The following TTC5 variants were observed in gnomAD, a reference collection of about 807,000 sequenced individuals.
TTC5 encodes tetratricopeptide repeat domain 5, also known as tetratricopeptide repeat protein 5.
In TTC5, 46 loss-of-function variants were observed where a neutral mutation model predicts 57.4. The observed-to-expected ratio is 0.80, with a 90% CI of 0.63 to 1.03. TTC5 has a LOEUF of 1.03. TTC5 is among the 50% of genes least tolerant of loss of function. TTC5 has a pLI of 0.00. For missense variants in TTC5, 504 were observed against 528.1 expected (o/e 0.95, Z 0.45); for synonymous variants, 190 against 203.5 (o/e 0.93, Z 0.57).
chr14:20,295,563 T>C (rs756132618), intron 7 of TTC5, 37 bp from the exon 8 acceptor site: 43 of 1,590,440 alleles, frequency 2.7e-5, no homozygotes, highest in Non-Finnish European at 3.6e-5. Context: ...AGCTGGAAAC[T>C]AGTCGCCTTC....
chr14:20,288,036 G>A lies in TTC5; in HGVS notation c.*1591C>T, dbSNP rs1257794415. On this transcript the variant is annotated 3_prime_UTR_variant, in exon 10 of 10. Coordinates refer to ENST00000258821, the MANE Select transcript of TTC5 (RefSeq NM_138376.3). ...CTATATCAGACTGGTTACTCATACT[G>A]ACTTTAGCTTATCTACTAAGATTCT... The A allele has an allele frequency of 6.6e-6, 1 of 152,086 alleles. No homozygotes were observed. Among genetic ancestry groups the A allele is most frequent in the Non-Finnish European group, 1.5e-5 (1 of 68,022 alleles). 9.4% of individuals were successfully genotyped at this position (152,086 alleles called of 1,614,324 possible). A position where few individuals can be genotyped will look rare whatever the true frequency, so the allele number is the denominator to read the frequency against.
chr14:20,300,888 A>G, intron 2 of TTC5, 70 bp from the exon 3 acceptor site: 1 of 1,209,086 alleles, frequency 8.3e-7, no homozygotes, highest in Non-Finnish European at 1.2e-6. Flanking sequence ...CTCTCAAAAA[A>G]TAACTACACG....
chr14:20,304,440 TAAAACACAC>T (rs1882250187), intron 1 of TTC5, among the ~76,000 whole-genome samples: 1 of 152,208 alleles, frequency 6.6e-6, no homozygotes, highest in Non-Finnish European at 1.5e-5. Context: ...AAACTGTCTG[TAAAACACAC>T]TTTGAGAAAT....
Position 20,305,926 on chromosome 14 carries a change from A to T in TTC5, c.12T>A (p.Asp4Glu), listed in dbSNP as rs775813740. 6.2e-7 allele frequency: 1 copy of T among 1,613,934 alleles called. No homozygotes were observed. The highest frequency in any genetic ancestry group is 1.1e-5 in the South Asian group (1 of 91,086). Residue 4 changes from aspartate (D) to glutamate (E), a missense_variant, in exon 1 of 10, where the codon GAT becomes GAA. Asp to Glu is a conservative substitution (Grantham distance 45). Transcript: ENST00000258821. The stretch of plus-strand genomic sequence containing the variant: ...AGATCGGCTTGACTTCTTCCTCTTC[A>T]TCAGCCATCATCTCCCGGCCACTCC... MMA[D>E]EEEEVKPILQ... is the part of the protein sequence containing the mutation.
intron 5 of TTC5, among the ~76,000 whole-genome samples, chr14:20,297,681 G>A (rs1051098852): frequency 2.0e-5 from 3 of 151,890 alleles, no homozygotes; most frequent in Non-Finnish European, 2.9e-5. Flanking sequence ...ACTGAGGCAG[G>A]AGACTCACTT....
Position 20,305,886 on chromosome 14 carries a change from CCTGCAAT to C in TTC5, c.45_51del (p.Leu16AsnfsTer43). The C allele has an allele frequency of 1.2e-6, 2 of 1,614,110 alleles. No homozygotes were observed. The highest frequency in any genetic ancestry group is 1.7e-6 in the Non-Finnish European group (2 of 1,179,966). Reference sequence around the variant, plus strand: ...ATACAGAATTTAATCTACGGCCCCACCTGCAATTTCTGCAAGATCGGCTTGACTTCTT... The same window carrying C: ...ATACAGAATTTAATCTACGGCCCCACTTCTGCAAGATCGGCTTGACTTCTT... On this transcript the variant is annotated frameshift_variant and splice_region_variant, in exon 1 of 10. Transcript: ENST00000258821. LOFTEE classifies it high-confidence loss of function.
At chr14:20,301,180 C>T (rs1013494050) in intron 2 of TTC5, among the ~76,000 whole-genome samples, 1 of 152,088 alleles carries the variant, frequency 6.6e-6, no homozygotes, top group Non-Finnish European at 1.5e-5. Context: ...TGGGCTTTAA[C>T]AAGTGAAGAG....
In TTC5 at chr14:20,300,915, A is replaced by G. The variant is rs1183751166; in HGVS notation, c.185-97T>C. 4 of 963,346 alleles carry G rather than the reference A, an allele frequency of 4.2e-6. No individual in the cohort carries two copies. In the Admixed American group the frequency reaches 9.9e-5, roughly 24 times the overall value. The allele number at this position is 963,346 out of a possible 1,614,324, so 59.7% of individuals were successfully genotyped here. A position where few individuals can be genotyped will look rare whatever the true frequency, so the allele number is the denominator to read the frequency against. ...AACTACACGTCAGTTTTAGGAATAA[A>G]AAGAGTTGGGGAAAATATTTATCAA... On this transcript the variant is annotated intron_variant, in intron 2 of 9. Coordinates refer to ENST00000258821, the MANE Select transcript of TTC5 (RefSeq NM_138376.3).
Position 20,287,073 on chromosome 14 carries a change from T to C in TTC5, c.*2554A>G, listed in dbSNP as rs1881852644. Reference sequence around the variant, plus strand: ...TAAACTAATATAAGCACTTTGGAAATGTTTAGTGCTTCTCAAAAAAGTTGA... The same window carrying C: ...TAAACTAATATAAGCACTTTGGAAACGTTTAGTGCTTCTCAAAAAAGTTGA... On this transcript the variant is annotated 3_prime_UTR_variant, in exon 10 of 10. Coordinates refer to ENST00000258821, the MANE Select transcript of TTC5 (RefSeq NM_138376.3). The C allele has an allele frequency of 6.6e-6, 1 of 152,196 alleles. No homozygotes were observed. Among genetic ancestry groups the C allele is most frequent in the Admixed American group, 6.5e-5 (1 of 15,276 alleles). The allele number at this position is 152,196 out of a possible 1,614,324, so 9.4% of individuals were successfully genotyped here.
Position 20,288,759 on chromosome 14 carries a change from C to T in TTC5, c.*868G>A, listed in dbSNP as rs1881892075. 6.6e-6 allele frequency: 1 copy of T among 152,232 alleles called. No homozygotes were observed. Among genetic ancestry groups the T allele is most frequent in the Admixed American group, 6.5e-5 (1 of 15,278 alleles). 9.4% of individuals were successfully genotyped at this position (152,232 alleles called of 1,614,324 possible). On this transcript the variant is annotated 3_prime_UTR_variant, in exon 10 of 10. Transcript: ENST00000258821. ...TCACTCACATTTCTCCATTTTACCA[C>T]AAGGATATTAAGATAAACTGTTATA...
In TTC5 at chr14:20,305,908, C is replaced by G. The variant is rs1212743613; in HGVS notation, c.30G>C (p.Lys10Asn). The G allele has an allele frequency of 1.2e-6, 2 of 1,614,156 alleles. No individual in the cohort carries two copies. The highest frequency in any genetic ancestry group is 1.1e-5 in the South Asian group (1 of 91,084). Reference sequence around the variant, plus strand: ...CCACCTGCAATTTCTGCAAGATCGGCTTGACTTCTTCCTCTTCATCAGCCA... The same window carrying G: ...CCACCTGCAATTTCTGCAAGATCGGGTTGACTTCTTCCTCTTCATCAGCCA... MMADEEEEV[K>N]PILQKLQELV... Residue 10 changes from lysine (K) to asparagine (N), a missense_variant, in exon 1 of 10, where the codon AAG becomes AAC. Lys to Asn is a moderately conservative substitution (Grantham distance 94). Coordinates refer to ENST00000258821, the MANE Select transcript of TTC5 (RefSeq NM_138376.3).
rs1165382963 is a variant in TTC5 at position 20,302,156 on chromosome 14, C to A, written c.52-191G>T. Among the ~76,000 whole-genome samples, 3 of 152,172 alleles carry A rather than the reference C, an allele frequency of 2.0e-5. No individual in the cohort carries two copies. The East Asian group carries it at 5.8e-4, about 29-fold the overall frequency. On this transcript the variant is annotated intron_variant, in intron 1 of 9. Transcript: ENST00000258821. ...GAGGAAAAGCAGCCAGTACCCCAGG[C>A]CAGCTCTCATGGTCCCATGTTGTCC...
At chr14:20,305,534 T>G in intron 1 of TTC5, 1 of 285,458 alleles carries the variant, frequency 3.5e-6, no homozygotes, top group Non-Finnish European at 6.6e-6. Flanking sequence ...TTTGTAGGGA[T>G]CAAAACAACA....
chr14:20,291,677 T>C (rs1437181239), intron 9 of TTC5, among the ~76,000 whole-genome samples: 3 of 152,188 alleles, frequency 2.0e-5, no homozygotes, highest in African/African-American at 7.2e-5. Context: ...TAGATATATG[T>C]GTATATATTT....
chr14:20,303,393 C>T (rs1360104790), intron 1 of TTC5, among the ~76,000 whole-genome samples: 1 of 152,056 alleles, frequency 6.6e-6, no homozygotes, highest in Non-Finnish European at 1.5e-5. Flanking sequence ...ATCCAAAATC[C>T]AAAAAACTTC....
At chr14:20,298,715 T>C in intron 5 of TTC5, 82 bp downstream of exon 5, 1 of 1,046,550 alleles carries the variant, frequency 9.6e-7, no homozygotes, top group East Asian at 2.4e-5. Flanking sequence ...TGATGCTTGC[T>C]AAAGGGCCAC....
In TTC5 at chr14:20,287,982, G is replaced by C. The variant is rs1566387071; in HGVS notation, c.*1645C>G. On this transcript the variant is annotated 3_prime_UTR_variant, in exon 10 of 10. Transcript: ENST00000258821. ...TCTCTTGCTACCATAGGTTTTTTTG[G>C]TGCAGTCCATGAAGAGTGTTCTTGC... 1 of 152,008 alleles carries C rather than the reference G, an allele frequency of 6.6e-6. No homozygotes were observed. Among genetic ancestry groups the C allele is most frequent in the Non-Finnish European group, 1.5e-5 (1 of 68,010 alleles). 9.4% of individuals were successfully genotyped at this position (152,008 alleles called of 1,614,324 possible).
rs767452370 is a variant in TTC5, at chr14:20,300,613, G to A, written c.390C>T (p.Leu130=). 1 of 1,611,232 alleles carries A rather than the reference G, an allele frequency of 6.2e-7. No individual in the cohort carries two copies. Among genetic ancestry groups the A allele is most frequent in the South Asian group, 1.1e-5 (1 of 90,976 alleles). Residue 130 remains leucine (L), a synonymous_variant, in exon 3 of 10, where the codon CTC becomes CTT. Transcript: ENST00000258821. ...AAAHTCFSGA[L]THCRNKVSLQ... Reference sequence around the variant, plus strand: ...GGGATAGGGGGCAGCTCACATGGGTGAGGGCTCCTGAGAAGCAGGTGTGGG... The same window carrying A: ...GGGATAGGGGGCAGCTCACATGGGTAAGGGCTCCTGAGAAGCAGGTGTGGG...
chr14:20,295,250 A>G (rs1032382339), intron 8 of TTC5, 62 bp downstream of exon 8: 6 of 1,488,896 alleles, frequency 4.0e-6, no homozygotes, highest in African/African-American at 2.8e-5. Flanking sequence ...CCAGGGAAAG[A>G]ACAGGAAGTG....
Sources: allele counts gnomAD v4.1 joint callset (sites outside exome capture counted in the v4.1 genomes callset), GRCh38; gene constraint gnomAD v4.1.1; transcripts MANE v1.5; gene names NCBI Gene and HGNC (gene_info 2026-07-23, HGNC 2026-07-21).